Variants in EPGN observed in about 807,000 individuals in gnomAD.
The protein encoded by EPGN is epigen.
A neutral mutation model predicts 20.7 loss-of-function variants in EPGN; 21 were observed. The ratio of observed to expected loss-of-function variants is 1.01; its 90% CI spans 0.72 to 1.46. EPGN has a LOEUF of 1.46. EPGN is among the 40% of genes most tolerant of loss of function. EPGN has a pLI of 0.00. For synonymous variants in EPGN, 69 were observed against 63.8 expected (o/e 1.08, Z -0.39); for missense variants, 199 against 180.7 (o/e 1.10, Z -0.58).
chr4:74,315,763 C>G lies in EPGN; in HGVS notation c.*1126C>G, dbSNP rs1751243284. On this transcript the variant is annotated 3_prime_UTR_variant, in exon 5 of 5. Coordinates refer to ENST00000413830, the MANE Select transcript of EPGN (RefSeq NM_001270989.2). ...GGTCAGGAGTTTGAGACCAGCCTGG[C>G]CAACATGGTGAAACCCTGTCTCTAC... is the stretch of plus-strand genomic sequence containing the variant. 6.6e-6 allele frequency among the ~76,000 whole-genome samples: 1 copy of G among 151,892 alleles called. No individual in the cohort carries two copies. The highest frequency in any genetic ancestry group is 1.5e-5 in the Non-Finnish European group (1 of 67,978).
rs1424309517 is a variant in EPGN, at chr4:74,315,565, T to A, written c.*928T>A. Among the ~76,000 whole-genome samples, 2 of 152,216 alleles carry A rather than the reference T, an allele frequency of 1.3e-5. No homozygotes were observed. Among genetic ancestry groups the A allele is most frequent in the Non-Finnish European group, 2.9e-5 (2 of 68,032 alleles). On this transcript the variant is annotated 3_prime_UTR_variant, in exon 5 of 5. Transcript: ENST00000413830. Reference sequence around the variant, plus strand: ...AGAATTTTTTCACCAGACCACAGCATGTGGAAACTTTCTTTATCATTTTTG... The same window carrying A: ...AGAATTTTTTCACCAGACCACAGCAAGTGGAAACTTTCTTTATCATTTTTG...
Position 74,314,622 on chromosome 4 carries a change from A to T in EPGN, c.450A>T (p.Glu150Asp). The change falls in exon 5 of 5, where the codon GAA (glutamate) becomes GAT (aspartate). Residue 150 changes from glutamate to aspartate, a missense_variant. Coordinates refer to ENST00000413830, the MANE Select transcript of EPGN (RefSeq NM_001270989.2). Reference protein sequence around the residue: ...LKSPYNVCSGERRPL With the variant: ...LKSPYNVCSGDRRPL ...CGCCTTACAATGTCTGTTCTGGAGA[A>T]AGACGACCACTGTGAGGCCTTTGTG... 6.5e-7 allele frequency: 1 copy of T among 1,536,068 alleles called. No homozygotes were observed. Among genetic ancestry groups the T allele is most frequent in the South Asian group, 1.2e-5 (1 of 84,062 alleles).
Position 74,314,814 on chromosome 4 carries a change from T to C in EPGN, c.*177T>C. ...CGTTGGCCTTTAGACTTTGCCATCC[T>C]TAAGGAGTGATGGAAGCCAAGTGAA... On this transcript the variant is annotated 3_prime_UTR_variant, in exon 5 of 5. Coordinates refer to ENST00000413830, the MANE Select transcript of EPGN (RefSeq NM_001270989.2). 1.6e-6 allele frequency: 1 copy of C among 619,678 alleles called. No individual in the cohort carries two copies. The highest frequency in any genetic ancestry group is 2.1e-5 in the South Asian group (1 of 48,442). 38.4% of individuals were successfully genotyped at this position (619,678 alleles called of 1,614,324 possible).
intron 3 of EPGN, 137 bp downstream of exon 3, chr4:74,312,442 T>G: frequency 1.1e-6 from 1 of 913,828 alleles, no homozygotes; most frequent in Non-Finnish European, 1.6e-6. Context: ...GACAGGCCTC[T>G]ACATATTTGA....
chr4:74,312,899 A>G, intron 3 of EPGN, 119 bp from the exon 4 acceptor site: 1 of 847,274 alleles, frequency 1.2e-6, no homozygotes, highest in Non-Finnish European at 1.8e-6. Context: ...TTCATTTGGT[A>G]TTTGCCTCTT....
chr4:74,313,188 T>C lies in EPGN; in HGVS notation c.407+18T>C, dbSNP rs769812133. On this transcript the variant is annotated intron_variant, in intron 4 of 4. Coordinates refer to ENST00000413830, the MANE Select transcript of EPGN (RefSeq NM_001270989.2). ...AGAAAGAGGTATGAAAAAGACAAAATATGAAGTCACTTCATATGCAATCGT... is the reference window on the plus strand; with the variant it reads ...AGAAAGAGGTATGAAAAAGACAAAACATGAAGTCACTTCATATGCAATCGT... The C allele has an allele frequency of 2.5e-6, 4 of 1,606,438 alleles. No homozygotes were observed. Among genetic ancestry groups the C allele is most frequent in the Non-Finnish European group, 3.4e-6 (4 of 1,178,320 alleles).
intron 4 of EPGN, chr4:74,313,710 A>G (rs1751116534): frequency 2.6e-6 from 2 of 763,100 alleles, no homozygotes; most frequent in Non-Finnish European, 3.2e-6. Flanking sequence ...GTAATTATTT[A>G]CATATTCATT....
chr4:74,314,374 C>T, intron 4 of EPGN: 1 of 600,870 alleles, frequency 1.7e-6, no homozygotes, highest in South Asian at 2.0e-5. Context: ...TGGCAGGGCA[C>T]TCAGTTGGCT....
Position 74,309,121 on chromosome 4 carries a change from C to T in EPGN, c.72C>T (p.Ala24=), listed in dbSNP as rs148495973. ...NAMTALTEEA[A]VTVTPPITAQ... ...TGACAGCACTGACCGAAGAGGCAGC[C>T]GTGACTGTAACACCTCCAATCACAG... Residue 24 remains alanine (A), a synonymous_variant, in exon 2 of 5, where the codon GCC becomes GCT. Transcript: ENST00000413830. 4.2e-3 allele frequency: 6,772 copies of T among 1,613,452 alleles called. 27 individuals are homozygous for T. The highest frequency in any genetic ancestry group is 4.4e-3 in the Non-Finnish European group (5,194 of 1,179,584).
chr4:74,314,418 A>T, intron 4 of EPGN, 162 bp from the exon 5 acceptor site: 1 of 663,798 alleles, frequency 1.5e-6, no homozygotes, highest in Non-Finnish European at 2.6e-6. Context: ...TGCTGCCATG[A>T]GCCTGTTAAT....
rs978596799 is a variant in EPGN at position 74,314,803 on chromosome 4, C to G, written c.*166C>G. The G allele has an allele frequency of 1.5e-6, 1 of 658,252 alleles. No homozygotes were observed. Among genetic ancestry groups the G allele is most frequent in the African/African-American group, 1.8e-5 (1 of 54,728 alleles). 40.8% of individuals were successfully genotyped at this position (658,252 alleles called of 1,614,324 possible). A position where few individuals can be genotyped will look rare whatever the true frequency, so the allele number is the denominator to read the frequency against. ...ATAAAATTCAGCGTTGGCCTTTAGACTTTGCCATCCTTAAGGAGTGATGGA... is the reference window on the plus strand; with the variant it reads ...ATAAAATTCAGCGTTGGCCTTTAGAGTTTGCCATCCTTAAGGAGTGATGGA... On this transcript the variant is annotated 3_prime_UTR_variant, in exon 5 of 5. Coordinates refer to ENST00000413830, the MANE Select transcript of EPGN (RefSeq NM_001270989.2).
At chr4:74,309,967 T>C (rs1355103667) in intron 2 of EPGN, among the ~76,000 whole-genome samples, 1 of 152,188 alleles carries the variant, frequency 6.6e-6, no homozygotes, top group Non-Finnish European at 1.5e-5. Flanking sequence ...AAGATTGTCA[T>C]ATCTCAGTGT....
At chr4:74,310,975 A>G (rs6821364) in intron 2 of EPGN, among the ~76,000 whole-genome samples, 18,630 of 152,170 alleles carry the variant, frequency 0.12, 3,070 homozygotes, top group African/African-American at 0.37. Context: ...CTATGAATAC[A>G]GAGGTACAAC....
intron 3 of EPGN, among the ~76,000 whole-genome samples, chr4:74,312,800 C>T (rs1483283253): frequency 6.6e-6 from 1 of 152,128 alleles, no homozygotes; most frequent in Non-Finnish European, 1.5e-5. Context: ...AGCATACTAC[C>T]TTTTCCCTCT....
Position 74,314,713 on chromosome 4 carries a change from AC to A in EPGN, c.*77del, listed in dbSNP as rs565109419. 1.9e-3 allele frequency: 2,531 copies of A among 1,308,156 alleles called. 46 individuals carry two copies. In the African/African-American group the frequency reaches 0.033, roughly 17 times the overall value. The allele number at this position is 1,308,156 out of a possible 1,614,324, so 81.0% of individuals were successfully genotyped here. A position where few individuals can be genotyped will look rare whatever the true frequency, so the allele number is the denominator to read the frequency against. On this transcript the variant is annotated 3_prime_UTR_variant, in exon 5 of 5. Coordinates refer to ENST00000413830, the MANE Select transcript of EPGN (RefSeq NM_001270989.2). ...AAAATTAAAGTTTTCAGATGAAACA[AC>A]AAAACTTGTCAAGCTGACTAGACTC... is the stretch of plus-strand genomic sequence containing the variant.
At chr4:74,313,995 GGGA>G in intron 4 of EPGN, 4 of 378,654 alleles carry the variant, frequency 1.1e-5, no homozygotes, top group South Asian at 4.2e-5. Flanking sequence ...AATAATAAGG[GGGA>G]GGAGGAGGAG....
chr4:74,313,250 G>A, intron 4 of EPGN, 80 bp downstream of exon 4: 35 of 1,464,066 alleles, frequency 2.4e-5, no homozygotes, highest in Admixed American at 3.0e-5. Context: ...AATGTGTCAG[G>A]CACTGACATG....
rs376630803 is a variant in EPGN, at chr4:74,316,326, C to CT, written c.*1698dup. Among the ~76,000 whole-genome samples, 11 of 151,244 alleles carry CT rather than the reference C, an allele frequency of 7.3e-5. No individual in the cohort carries two copies. The highest frequency in any genetic ancestry group is 2.1e-4 in the South Asian group (1 of 4,766). On this transcript the variant is annotated 3_prime_UTR_variant, in exon 5 of 5. Coordinates refer to ENST00000413830, the MANE Select transcript of EPGN (RefSeq NM_001270989.2). ...AAGATTCAATCTAAAACAATGGACT[C>CT]TTTTTTTTTCCATTTGTGATGTAGA... is the stretch of plus-strand genomic sequence containing the variant.
chr4:74,314,556 A>G (rs1560581460), intron 4 of EPGN, 24 bp from the exon 5 acceptor site: 27 of 1,535,108 alleles, frequency 1.8e-5, no homozygotes, highest in South Asian at 3.6e-5. Context: ...TCAAATTCAT[A>G]TGGAAACCAA....
Sources: allele counts gnomAD v4.1 joint callset (sites outside exome capture counted in the v4.1 genomes callset), GRCh38; gene constraint gnomAD v4.1.1; transcripts MANE v1.5; gene names NCBI Gene and HGNC (gene_info 2026-07-23, HGNC 2026-07-21).